Variants in DUSP16 observed in about 807,000 individuals in gnomAD.
DUSP16 encodes the protein dual specificity phosphatase 16, also known as dual specificity protein phosphatase 16.
DUSP16 carries 21 observed loss-of-function variants against 58.3 expected under a neutral mutation model. The ratio of observed to expected loss-of-function variants is 0.36; its 90% confidence interval spans 0.26 to 0.52. DUSP16 has a LOEUF of 0.52. DUSP16 is among the 20% of genes least tolerant of loss of function. The pLI is 0.94. For missense variants in DUSP16, 726 were observed against 819.0 expected, an observed-to-expected ratio of 0.89 and a Z score of 1.39; for synonymous variants, 320 against 323.8, an observed-to-expected ratio of 0.99 and a Z score of 0.12.
intron 1 of DUSP16, among the ~76,000 whole-genome samples, chr12:12,529,586 A>AGG (rs1944356219): frequency 2.0e-5 from 3 of 152,154 alleles, no homozygotes; most frequent in African/African-American, 7.2e-5. Flanking sequence ...CAGGAATACT[A>AGG]TATATCCTCG....
At position 12,519,749 on chromosome 12, in the gene DUSP16, C is replaced by A. The variant is rs1944202069; in HGVS notation, c.367+113G>T. The A allele has an allele frequency of 1.7e-5, 18 of 1,056,500 alleles. No individual in the cohort carries two copies. The South Asian group carries it at 3.0e-4, about 18-fold the overall frequency. The allele number at this position is 1,056,500 out of a possible 1,614,324, so 65.4% of individuals were successfully genotyped here. On this transcript the variant is annotated intron_variant, in intron 3 of 6. Transcript: ENST00000298573. The stretch of plus-strand genomic sequence containing the variant: ...CATCAATCAAAAGCTATAAATAAAT[C>A]ATTTTACACAGCAAAGTTGGGATGA...
chr12:12,557,802 G>A (rs1004802304), intron 1 of DUSP16, among the ~76,000 whole-genome samples: 21 of 152,208 alleles, frequency 1.4e-4, no homozygotes, highest in Admixed American at 3.3e-4. Context: ...TATAAGTTAC[G>A]TAAGGGCAAA....
chr12:12,560,072 G>A (rs1473361701), intron 1 of DUSP16, among the ~76,000 whole-genome samples: 1 of 151,914 alleles, frequency 6.6e-6, no homozygotes, highest in Non-Finnish European at 1.5e-5. Flanking sequence ...CAAACTGAAC[G>A]AAAGGATAGG....
chr12:12,497,128 A>G (rs147407566), intron 4 of DUSP16, among the ~76,000 whole-genome samples: 1 of 152,244 alleles, frequency 6.6e-6, no homozygotes, highest in Non-Finnish European at 1.5e-5. Flanking sequence ...GTAATTTTGT[A>G]TACTGATTGC....
At chr12:12,484,911 C>T (rs531530515) in intron 5 of DUSP16, among the ~76,000 whole-genome samples, 1 of 150,372 alleles carries the variant, frequency 6.7e-6, no homozygotes, top group South Asian at 2.1e-4. Flanking sequence ...CATGCCCAGC[C>T]AATTGTTATT....
chr12:12,534,446 C>T (rs1944437382), intron 1 of DUSP16, among the ~76,000 whole-genome samples: 1 of 152,230 alleles, frequency 6.6e-6, no homozygotes, highest in Admixed American at 6.5e-5. Context: ...TCGGAACATT[C>T]TCTGTCCTCA....
At chr12:12,559,058 C>A (rs1944854390) in intron 1 of DUSP16, among the ~76,000 whole-genome samples, 1 of 152,132 alleles carries the variant, frequency 6.6e-6, no homozygotes, top group South Asian at 2.1e-4. Flanking sequence ...TTCGGCCAAC[C>A]TTTATGAACC....
At chr12:12,511,557 T>C (rs1212441242) in intron 3 of DUSP16, among the ~76,000 whole-genome samples, 1 of 152,128 alleles carries the variant, frequency 6.6e-6, no homozygotes, top group Non-Finnish European at 1.5e-5. Flanking sequence ...TTACTCCTCA[T>C]CTTTCAAGGT....
intron 1 of DUSP16, among the ~76,000 whole-genome samples, chr12:12,538,487 A>G (rs1161342800): frequency 3.3e-5 from 5 of 152,246 alleles, no homozygotes; most frequent in Admixed American, 6.5e-5. Flanking sequence ...ATCAGTGGTA[A>G]AAGACAGAAA....
Position 12,547,290 on chromosome 12 carries a change from G to A in DUSP16, c.-366+14827C>T, listed in dbSNP as rs373929832. On this transcript the variant is annotated intron_variant, in intron 1 of 6. Coordinates refer to ENST00000298573, the MANE Select transcript of DUSP16 (RefSeq NM_030640.3). ...CCAAAAATACAAAAATTAGCCGGGC[G>A]TGGTGGTGCCCACCTGTAATCCCAG... is the stretch of plus-strand genomic sequence containing the variant. 4.0e-5 allele frequency among the ~76,000 whole-genome samples: 6 copies of A among 151,674 alleles called. No homozygotes were observed. The East Asian group carries it at 5.8e-4, about 15-fold the overall frequency.
rs977876865 is a variant in DUSP16 at position 12,479,242 on chromosome 12, A to T, written c.815+981T>A. Among the ~76,000 whole-genome samples, 14 of 152,070 alleles carry T rather than the reference A, an allele frequency of 9.2e-5. No homozygotes were observed. The South Asian group carries it at 2.7e-3, about 29-fold the overall frequency. Reference sequence around the variant, plus strand: ...ACTTTTCAGGTGATGGAGGAGTAGAACTACACTGAAAATTTGCATTTGAAT... The same window carrying T: ...ACTTTTCAGGTGATGGAGGAGTAGATCTACACTGAAAATTTGCATTTGAAT... On this transcript the variant is annotated intron_variant, in intron 6 of 6. Transcript: ENST00000298573.
chr12:12,474,816 C>T lies in DUSP16; in HGVS notation c.*2017G>A, dbSNP rs1211272178. The T allele has an allele frequency of 6.6e-6, 1 of 152,238 alleles. No individual in the cohort carries two copies. Among genetic ancestry groups the T allele is most frequent in the African/African-American group, 2.4e-5 (1 of 41,462 alleles). The allele number at this position is 152,238 out of a possible 1,614,324, so 9.4% of individuals were successfully genotyped here. The stretch of plus-strand genomic sequence containing the variant: ...ATGACCACACTCTGGAAGTGGTGAA[C>T]TGTTACACATTTGGTGTGTGTGTAC... On this transcript the variant is annotated 3_prime_UTR_variant, in exon 7 of 7. Coordinates refer to ENST00000298573, the MANE Select transcript of DUSP16 (RefSeq NM_030640.3).
At chr12:12,512,069 G>C (rs145653258) in intron 3 of DUSP16, among the ~76,000 whole-genome samples, 1 of 152,290 alleles carries the variant, frequency 6.6e-6, no homozygotes, top group Non-Finnish European at 1.5e-5. Context: ...GCTGGGAAGA[G>C]ACATGACTGA....
Position 12,477,976 on chromosome 12 carries a change from G to C in DUSP16, c.855C>G (p.Phe285Leu), listed in dbSNP as rs1277474988. 3.1e-6 allele frequency: 5 copies of C among 1,607,182 alleles called. No homozygotes were observed. The highest frequency in any genetic ancestry group is 4.3e-6 in the Non-Finnish European group (5 of 1,175,930). Residue 285 changes from phenylalanine to leucine, a missense_variant, in exon 7 of 7, where the codon TTC becomes TTG. Coordinates refer to ENST00000298573, the MANE Select transcript of DUSP16 (RefSeq NM_030640.3). This position sits in a 1 kb window ranked among gnomAD's most constrained non-coding sequence, Gnocchi z 4.1. ...KEKRPTISPN[F>L]NFLGQLLDYE... ...AGTCCAGGAGTTGGCCCAGAAAATT[G>C]AAGTTTGGAGATATAGTAGGTCTTT...
Position 12,477,989 on chromosome 12 carries a change from A to G in DUSP16, c.842T>C (p.Ile281Thr). 1 of 1,587,510 alleles carries G rather than the reference A, an allele frequency of 6.3e-7. No individual in the cohort carries two copies. Among genetic ancestry groups the G allele is most frequent in the Non-Finnish European group, 8.6e-7 (1 of 1,167,434 alleles). The change falls in exon 7 of 7, where the codon ATA becomes ACA. Residue 281 changes from isoleucine to threonine, a missense_variant. By Grantham distance (89) the Ile-to-Thr change is moderately conservative (BLOSUM62 -1). Coordinates refer to ENST00000298573, the MANE Select transcript of DUSP16 (RefSeq NM_030640.3). This position sits in a 1 kb window ranked among gnomAD's most constrained non-coding sequence, Gnocchi z 4.1. ...YRFVKEKRPT[I>T]SPNFNFLGQL... ...GCCCAGAAAATTGAAGTTTGGAGATATAGTAGGTCTTTTTTCTTTCACAAA... is the reference window on the plus strand; with the variant it reads ...GCCCAGAAAATTGAAGTTTGGAGATGTAGTAGGTCTTTTTTCTTTCACAAA...
intron 1 of DUSP16, among the ~76,000 whole-genome samples, 197 bp downstream of exon 1, chr12:12,561,920 C>A (rs1270245294): frequency 6.6e-6 from 1 of 150,492 alleles, no homozygotes; most frequent in Admixed American, 6.6e-5. Context: ...CGGCCCCCGG[C>A]CGCGGTCGCC....
intron 5 of DUSP16, among the ~76,000 whole-genome samples, chr12:12,480,617 TTATG>T (rs1471172064): frequency 4.4e-4 from 67 of 152,370 alleles, no homozygotes; most frequent in African/African-American, 1.5e-3. Flanking sequence ...GTTTCCTGAC[TTATG>T]TTAGTATTTT....
chr12:12,473,677 G>A lies in DUSP16; in HGVS notation c.*3156C>T, dbSNP rs1004745776. On this transcript the variant is annotated 3_prime_UTR_variant, in exon 7 of 7. Coordinates refer to ENST00000298573, the MANE Select transcript of DUSP16 (RefSeq NM_030640.3). ...AGTCAATATTCCATCTGTTTGCACTGAAGCTTTATTCCTTCAATGCCTAAT... is the reference window on the plus strand; with the variant it reads ...AGTCAATATTCCATCTGTTTGCACTAAAGCTTTATTCCTTCAATGCCTAAT... Among the ~76,000 whole-genome samples the A allele has an allele frequency of 1.3e-5, 2 of 152,172 alleles. No individual in the cohort carries two copies. The highest frequency in any genetic ancestry group is 2.4e-5 in the African/African-American group (1 of 41,438).
intron 1 of DUSP16, among the ~76,000 whole-genome samples, chr12:12,548,145 G>T (rs1394609482): frequency 1.3e-5 from 2 of 152,020 alleles, no homozygotes; most frequent in Non-Finnish European, 2.9e-5. Context: ...TAAAGAAAAA[G>T]GCATCCTACA....
Sources: gnomAD v4.1 joint callset for allele counts (sites outside exome capture counted in the v4.1 genomes callset) on GRCh38, gnomAD v4.1.1 for gene constraint, Gnocchi (gnomAD v3.1) non-coding constraint, MANE v1.5 for transcripts, NCBI Gene and HGNC (gene_info 2026-07-23, HGNC 2026-07-21) for gene names.